BRI3: variants seen among roughly 807,000 people sequenced by gnomAD.
BRI3 encodes the protein membrane protein BRI3.
In BRI3, 6 loss-of-function variants were observed where a neutral mutation model predicts 12.8. The ratio of observed to expected loss-of-function variants is 0.47; its 90% confidence interval spans 0.26 to 0.93. The LOEUF (loss-of-function observed/expected upper bound fraction) is 0.93. BRI3 is among the 40% of genes least tolerant of loss of function. The pLI, the probability that BRI3 is intolerant of heterozygous loss-of-function variation, is 0.15. For missense variants in BRI3, 134 were observed against 171.1 expected, an observed-to-expected ratio of 0.78 and a Z score of 1.21; for synonymous variants, 91 against 76.1, an observed-to-expected ratio of 1.20 and a Z score of -1.02.
chr7:98,282,615 G>A, intron 2 of BRI3, 162 bp downstream of exon 2: 4 of 632,324 alleles, frequency 6.3e-6, no homozygotes, highest in Non-Finnish European at 1.1e-5. Context: ...CGAATGCGGT[G>A]TGGGAGAGTG....
At chr7:98,319,061 T>C in the BRI3 span, among the ~76,000 whole-genome samples, 1 of 152,138 alleles carries the variant, frequency 6.6e-6, no homozygotes, top group South Asian at 2.1e-4. Context: ...GTCCGGGTCC[T>C]GTGGCCTCCT....
intron 2 of BRI3, chr7:98,282,926 G>C (rs1584386260): frequency 6.4e-6 from 1 of 156,336 alleles, no homozygotes; most frequent in African/African-American, 2.4e-5. Context: ...GAGAAGCGAC[G>C]GCCGTAAGAG....
chr7:98,290,976 T>G (rs62479856), intron 2 of BRI3, 135 bp from the exon 3 acceptor site: 1 of 1,033,678 alleles, frequency 9.7e-7, no homozygotes, highest in Non-Finnish European at 1.4e-6. Context: ...TGGGGGGCTG[T>G]TTTCTGTCAC....
At chr7:98,319,317 G>T in the BRI3 span, among the ~76,000 whole-genome samples, 5 of 152,310 alleles carry the variant, frequency 3.3e-5, no homozygotes, top group East Asian at 9.7e-4. Context: ...AGTGGATAGA[G>T]AAGGGGCGCC....
At chr7:98,282,208 C>T in intron 1 of BRI3, 143 bp from the exon 2 acceptor site, 1 of 847,598 alleles carries the variant, frequency 1.2e-6, no homozygotes, top group Non-Finnish European at 1.8e-6. Flanking sequence ...AGCGCCGAAT[C>T]AGGCCCGCGG....
intron 2 of BRI3, among the ~76,000 whole-genome samples, chr7:98,283,889 A>G (rs973570395): frequency 6.6e-6 from 1 of 152,142 alleles, no homozygotes; most frequent in African/African-American, 2.4e-5. Context: ...GATGGGCCAG[A>G]TATCCCAGGG....
At chr7:98,319,466 A>C in the BRI3 span, among the ~76,000 whole-genome samples, 1 of 152,092 alleles carries the variant, frequency 6.6e-6, no homozygotes. Flanking sequence ...CAGAAGCACA[A>C]ATGTCCTACA....
At chr7:98,292,872 C>A (rs539041589), downstream of BRI3, 20 of 1,444,420 alleles carry the variant, frequency 1.4e-5, no homozygotes, top group Non-Finnish European at 1.7e-5. Flanking sequence ...AAGGAGCTCT[C>A]GGAGGAGATT....
the BRI3 span, among the ~76,000 whole-genome samples, chr7:98,322,489 T>C: frequency 1.3e-5 from 2 of 152,104 alleles, no homozygotes; most frequent in African/African-American, 4.8e-5. Flanking sequence ...GACAATCCCT[T>C]GGGGATAGGA....
At chr7:98,288,863 G>A (rs1426771666) in intron 2 of BRI3, among the ~76,000 whole-genome samples, 1 of 152,042 alleles carries the variant, frequency 6.6e-6, no homozygotes, top group Non-Finnish European at 1.5e-5. Context: ...AAGTGCTGCA[G>A]TTGCAGGCGT....
chr7:98,292,900 T>TGGCCCGGCCACACCGTCCTGATAAG, downstream of BRI3: 2 of 1,419,644 alleles, frequency 1.4e-6, no homozygotes, highest in South Asian at 3.1e-5. Context: ...GTGCTACGTG[T>TGGCCCGGCCACACCGTCCTGATAAG]GGCTGTGATA....
chr7:98,322,457 T>C, the BRI3 span, among the ~76,000 whole-genome samples: 3 of 152,166 alleles, frequency 2.0e-5, no homozygotes, highest in African/African-American at 7.2e-5. Flanking sequence ...AAGGATCAAC[T>C]TCTCGCCCAT....
chr7:98,297,449 CAG>C (rs1399793770), downstream of BRI3, among the ~76,000 whole-genome samples: 1 of 152,130 alleles, frequency 6.6e-6, no homozygotes. Flanking sequence ...GAGGGCAGGA[CAG>C]AGTGAACAGG....
chr7:98,284,455 G>C (rs570996477), intron 2 of BRI3, among the ~76,000 whole-genome samples: 1 of 152,210 alleles, frequency 6.6e-6, no homozygotes, highest in Admixed American at 6.5e-5. Context: ...TGGGTGGGGT[G>C]TGTGGTCCCT....
chr7:98,320,971 C>T, the BRI3 span, among the ~76,000 whole-genome samples: 1 of 152,182 alleles, frequency 6.6e-6, no homozygotes, highest in Non-Finnish European at 1.5e-5. Flanking sequence ...ATCCTTCCAC[C>T]TCAGCCTCCC....
intron 2 of BRI3, among the ~76,000 whole-genome samples, chr7:98,290,287 C>T (rs1268944381): frequency 6.7e-6 from 1 of 148,416 alleles, no homozygotes; most frequent in African/African-American, 2.5e-5. Context: ...GCTCCGCTTC[C>T]TGGGTTCACG....
intron 2 of BRI3, among the ~76,000 whole-genome samples, chr7:98,289,225 TGG>T: frequency 6.6e-6 from 1 of 152,360 alleles, no homozygotes; most frequent in Non-Finnish European, 1.5e-5. Context: ...CCCAAAGTGC[TGG>T]GATGACAAGC....
downstream of BRI3, among the ~76,000 whole-genome samples, chr7:98,311,306 G>A (rs1800859249): frequency 6.6e-6 from 1 of 152,060 alleles, no homozygotes; most frequent in South Asian, 2.1e-4. Flanking sequence ...CACTTTGGGA[G>A]GCCGAGGTGG....
upstream of BRI3, among the ~76,000 whole-genome samples, chr7:98,305,986 A>T (rs1800641822): frequency 6.6e-6 from 1 of 152,180 alleles, no homozygotes; most frequent in Non-Finnish European, 1.5e-5. Flanking sequence ...CTGATGTTTA[A>T]TTGATGGGCA....
Sources: allele counts gnomAD v4.1 joint callset (sites outside exome capture counted in the v4.1 genomes callset), GRCh38; gene constraint gnomAD v4.1.1; transcripts MANE v1.5; gene names NCBI Gene and HGNC (gene_info 2026-07-23, HGNC 2026-07-21).